TNFRSF10A: variants seen among roughly 807,000 people sequenced by gnomAD.
The protein encoded by TNFRSF10A is TNF receptor superfamily member 10a, also known as tumor necrosis factor receptor superfamily member 10A.
In TNFRSF10A, 44 loss-of-function variants were observed where a neutral mutation model predicts 42.8. The observed-to-expected ratio is 1.03, with a 90% CI of 0.81 to 1.32. The LOEUF (loss-of-function observed/expected upper bound fraction) is 1.32, where lower values mean the gene tolerates loss of function less well. Ranked by LOEUF, TNFRSF10A falls within the 40% of genes most tolerant of loss-of-function variation. The pLI is 0.00. For missense variants in TNFRSF10A, 680 were observed against 602.0 expected, an observed-to-expected ratio of 1.13 and a Z score of -1.36; for synonymous variants, 259 against 234.2, an observed-to-expected ratio of 1.11 and a Z score of -0.97.
chr8:23,225,093 T>C lies in TNFRSF10A; in HGVS notation c.-32A>G. ...AGGTCAATCCAAGAAGCAGCGTGCT[T>C]GGCTATGACAAGACAGAACTTCGCA... On this transcript the variant is annotated 5_prime_UTR_variant, in exon 1 of 10. Transcript: ENST00000221132. 6.8e-7 allele frequency: 1 copy of C among 1,477,822 alleles called. No individual in the cohort carries two copies. The highest frequency in any genetic ancestry group is 9.0e-7 in the Non-Finnish European group (1 of 1,116,684). The allele number at this position is 1,477,822 out of a possible 1,614,324, so 91.5% of individuals were successfully genotyped here. A position where few individuals can be genotyped will look rare whatever the true frequency, so the allele number is the denominator to read the frequency against.
chr8:23,194,846 T>C (rs188274636), intron 9 of TNFRSF10A, among the ~76,000 whole-genome samples: 1 of 152,314 alleles, frequency 6.6e-6, no homozygotes, highest in East Asian at 1.9e-4. Flanking sequence ...AAACTTCCAG[T>C]GCAGTAACTG....
At chr8:23,222,260 A>G (rs1042649684) in intron 1 of TNFRSF10A, among the ~76,000 whole-genome samples, 12 of 152,188 alleles carry the variant, frequency 7.9e-5, no homozygotes, top group African/African-American at 2.9e-4. Flanking sequence ...ACAAAATTCT[A>G]CATTGATGAG....
intron 2 of TNFRSF10A, among the ~76,000 whole-genome samples, chr8:23,210,975 T>C (rs1486325046): frequency 1.3e-5 from 2 of 152,214 alleles, no homozygotes; most frequent in Non-Finnish European, 2.9e-5. Flanking sequence ...TATTTAATGG[T>C]GAACAACTGA....
chr8:23,221,947 G>A (rs1801262581), intron 1 of TNFRSF10A, among the ~76,000 whole-genome samples: 1 of 151,888 alleles, frequency 6.6e-6, no homozygotes, highest in Non-Finnish European at 1.5e-5. Flanking sequence ...CGAGATCTCG[G>A]CTCACTGCAA....
chr8:23,199,338 T>G lies in TNFRSF10A; in HGVS notation c.942A>C (p.Gln314His), dbSNP rs376605159. 3.1e-6 allele frequency: 5 copies of G among 1,614,042 alleles called. No homozygotes were observed. In the South Asian group the frequency reaches 4.4e-5, roughly 14 times the overall value. Residue 314 changes from glutamine to histidine, a missense_variant, in exon 8 of 10, where the codon CAA becomes CAC. Physicochemically the swap from Gln to His is conservative, Grantham distance 24. Transcript: ENST00000221132. The stretch of plus-strand genomic sequence containing the variant: ...AATCTGCCGGCTCCTGGCTTTCCAT[T>G]TGCTGCTCAGAGACGAAAGTGGACA... ...DSLSTFVSEQ[Q>H]MESQEPADLT...
intron 1 of TNFRSF10A, chr8:23,224,423 G>C (rs948554143): frequency 1.3e-5 from 4 of 297,344 alleles, no homozygotes; most frequent in Non-Finnish European, 2.5e-5. Flanking sequence ...TGGCTTGGAA[G>C]TTTACACACT....
chr8:23,192,598 C>T (rs1800771602), intron 9 of TNFRSF10A, among the ~76,000 whole-genome samples: 1 of 152,216 alleles, frequency 6.6e-6, no homozygotes, highest in South Asian at 2.1e-4. Context: ...GTGCAAAGCA[C>T]TGCACACCAC....
At chr8:23,194,581 T>C (rs969322079) in intron 9 of TNFRSF10A, among the ~76,000 whole-genome samples, 6 of 152,322 alleles carry the variant, frequency 3.9e-5, no homozygotes, top group African/African-American at 1.2e-4. Flanking sequence ...TGAAAACAGC[T>C]GAGTCTTCTG....
chr8:23,221,661 G>A (rs1801258006), intron 1 of TNFRSF10A, among the ~76,000 whole-genome samples: 1 of 152,184 alleles, frequency 6.6e-6, no homozygotes, highest in African/African-American at 2.4e-5. Flanking sequence ...GTGCAGAGGT[G>A]CGACTGCAGT....
intron 9 of TNFRSF10A, among the ~76,000 whole-genome samples, chr8:23,193,360 A>G (rs1800780543): frequency 6.6e-6 from 1 of 152,190 alleles, no homozygotes; most frequent in Admixed American, 6.6e-5. Context: ...GGCCCCAACC[A>G]CATTCCTGAT....
At chr8:23,213,825 G>T (rs1371251101) in intron 1 of TNFRSF10A, among the ~76,000 whole-genome samples, 1 of 152,128 alleles carries the variant, frequency 6.6e-6, no homozygotes, top group Non-Finnish European at 1.5e-5. Flanking sequence ...AGCATTTACA[G>T]CTATCATTTT....
intron 2 of TNFRSF10A, among the ~76,000 whole-genome samples, chr8:23,206,760 A>T (rs761946700): frequency 3.9e-5 from 6 of 152,218 alleles, no homozygotes; most frequent in Non-Finnish European, 8.8e-5. Context: ...TGTACAACAA[A>T]AAATTAGGTA....
chr8:23,191,802 C>G lies in TNFRSF10A; in HGVS notation c.1299G>C (p.Glu433Asp). 6.2e-7 allele frequency: 1 copy of G among 1,614,122 alleles called. No homozygotes were observed. The highest frequency in any genetic ancestry group is 1.1e-5 in the South Asian group (1 of 91,066). The change falls in exon 10 of 10, where the codon GAG becomes GAC. Residue 433 changes from glutamate (E) to aspartate (D), a missense_variant. Coordinates refer to ENST00000221132, the MANE Select transcript of TNFRSF10A (RefSeq NM_003844.4). ...CTCTTGCATGTCTCTCTTCCATCCTCTCCAAGGCATCCAGCAGGGTGTGGA... is the reference window on the plus strand; with the variant it reads ...CTCTTGCATGTCTCTCTTCCATCCTGTCCAAGGCATCCAGCAGGGTGTGGA... Reference protein sequence around the residue: ...ASIHTLLDALERMEERHAREK... With the variant: ...ASIHTLLDALDRMEERHAREK...
chr8:23,199,316 C>G lies in TNFRSF10A; in HGVS notation c.964G>C (p.Asp322His). 6.2e-7 allele frequency: 1 copy of G among 1,614,208 alleles called. No individual in the cohort carries two copies. The highest frequency in any genetic ancestry group is 2.2e-5 in the East Asian group (1 of 44,886). Residue 322 changes from aspartate (D) to histidine (H), a missense_variant, in exon 8 of 10, where the codon GAT becomes CAT. Coordinates refer to ENST00000221132, the MANE Select transcript of TNFRSF10A (RefSeq NM_003844.4). ...EQQMESQEPA[D>H]LTGVTVQSPG... is the part of the protein sequence containing the mutation. ...GACTGTACAGTGACACCTGTCAAAT[C>G]TGCCGGCTCCTGGCTTTCCATTTGC...
chr8:23,223,159 A>G (rs1420512486), intron 1 of TNFRSF10A, among the ~76,000 whole-genome samples: 1 of 152,082 alleles, frequency 6.6e-6, no homozygotes, highest in East Asian at 1.9e-4. Context: ...TCCGCCTCCC[A>G]GGTTCACGCC....
intron 8 of TNFRSF10A, among the ~76,000 whole-genome samples, chr8:23,197,427 T>C (rs944710912): frequency 1.3e-5 from 2 of 152,156 alleles, no homozygotes; most frequent in Non-Finnish European, 2.9e-5. Flanking sequence ...CAACATTAGA[T>C]TCTTATAGGA....
chr8:23,195,197 A>G (rs928726597), intron 9 of TNFRSF10A, among the ~76,000 whole-genome samples: 3 of 152,178 alleles, frequency 2.0e-5, no homozygotes, highest in Admixed American at 6.5e-5. Context: ...GTTCATAAAG[A>G]TTGTGATTGT....
Position 23,191,706 on chromosome 8 carries a change from C to T in TNFRSF10A, c.1395G>A (p.Val465=), listed in dbSNP as rs1457091132. The change falls in exon 10 of 10, where the codon GTG becomes GTA. Residue 465 remains valine, a synonymous_variant. Coordinates refer to ENST00000221132, the MANE Select transcript of TNFRSF10A (RefSeq NM_003844.4). The stretch of plus-strand genomic sequence containing the variant: ...TAAAAAGAGTCTTTCACTCCAAGGA[C>T]ACGGCAGAGCCTGTGCCATCTTCTA... The part of the protein sequence containing the change: ...IYLEDGTGSA[V]SLE 1.2e-5 allele frequency: 20 copies of T among 1,613,256 alleles called. No homozygotes were observed. Among genetic ancestry groups the T allele is most frequent in the Non-Finnish European group, 1.7e-5 (20 of 1,179,644 alleles).
intron 9 of TNFRSF10A, among the ~76,000 whole-genome samples, chr8:23,192,965 C>T (rs143191398): frequency 9.0e-4 from 137 of 152,360 alleles, no homozygotes; most frequent in African/African-American, 3.2e-3. Flanking sequence ...TGGGACCCCT[C>T]ATTCATCTTG....
Sources: gnomAD v4.1 joint callset for allele counts (sites outside exome capture counted in the v4.1 genomes callset) on GRCh38, gnomAD v4.1.1 for gene constraint, MANE v1.5 for transcripts, NCBI Gene and HGNC (gene_info 2026-07-23, HGNC 2026-07-21) for gene names.